Variants in LDB2 observed in about 807,000 individuals in gnomAD.
The protein encoded by LDB2 is LIM domain-binding protein 2.
In LDB2, 12 loss-of-function variants were observed where a neutral mutation model predicts 44.3. The ratio of observed to expected loss-of-function variants is 0.27; its 90% confidence interval spans 0.17 to 0.44. The LOEUF (loss-of-function observed/expected upper bound fraction) is 0.44. Among genes scored for constraint, LDB2 ranks in the 20% least tolerant of loss-of-function variants. LDB2 has a pLI of 1.00. For synonymous variants in LDB2, 164 were observed against 174.8 expected, an observed-to-expected ratio of 0.94 and a Z score of 0.49; for missense variants, 344 against 473.5, an observed-to-expected ratio of 0.73 and a Z score of 2.54.
intron 2 of LDB2, among the ~76,000 whole-genome samples, chr4:16,672,075 C>T (rs913699249): frequency 3.9e-5 from 6 of 152,166 alleles, no homozygotes; most frequent in Non-Finnish European, 7.3e-5. Context: ...GCAACCATGA[C>T]CCTTTACTGA....
intron 1 of LDB2, among the ~76,000 whole-genome samples, chr4:16,818,366 G>A (rs1156461411): frequency 1.3e-5 from 2 of 152,156 alleles, no homozygotes; most frequent in African/African-American, 2.4e-5. Flanking sequence ...CAGGCAGAAC[G>A]CAAAGAGAGG....
intron 2 of LDB2, among the ~76,000 whole-genome samples, chr4:16,644,956 T>C (rs1019727562): frequency 6.6e-6 from 1 of 152,190 alleles, no homozygotes; most frequent in African/African-American, 2.4e-5. Flanking sequence ...TTGCTCTTAG[T>C]GGCCCAACTG....
chr4:16,825,516 T>C (rs1006022663), intron 1 of LDB2, among the ~76,000 whole-genome samples: 5 of 152,230 alleles, frequency 3.3e-5, no homozygotes, highest in Non-Finnish European at 7.4e-5. Flanking sequence ...AGAAAAGTGC[T>C]CCTTTTCTTC....
intron 1 of LDB2, among the ~76,000 whole-genome samples, chr4:16,862,346 A>T (rs1377060219): frequency 1.3e-5 from 2 of 152,048 alleles, no homozygotes; most frequent in Non-Finnish European, 2.9e-5. Context: ...TGAATCAAAG[A>T]GCCCTGGCCG....
At chr4:16,858,302 G>C (rs1179873610) in intron 1 of LDB2, among the ~76,000 whole-genome samples, 2 of 152,180 alleles carry the variant, frequency 1.3e-5, no homozygotes, top group Non-Finnish European at 2.9e-5. Context: ...GGCAGGCATG[G>C]TGAAAGCATA....
At chr4:16,539,201 A>G (rs13105077) in intron 5 of LDB2, among the ~76,000 whole-genome samples, 12,364 of 152,230 alleles carry the variant, frequency 0.081, 547 homozygotes, top group South Asian at 0.17. Flanking sequence ...TGGGAGACAC[A>G]TAGGTACTTT....
chr4:16,559,027 C>A (rs199525911), intron 5 of LDB2, among the ~76,000 whole-genome samples: 6,088 of 152,214 alleles, frequency 0.04, 177 homozygotes, highest in East Asian at 0.18. Flanking sequence ...GAGATTTTGT[C>A]ACCACCAGGC....
intron 1 of LDB2, among the ~76,000 whole-genome samples, chr4:16,829,553 C>A (rs1334978534): frequency 2.0e-5 from 3 of 151,936 alleles, no homozygotes; most frequent in African/African-American, 7.3e-5. Context: ...AGCATGATTC[C>A]CCTGGTTAAA....
At chr4:16,512,963 T>C (rs1347701118) in intron 5 of LDB2, among the ~76,000 whole-genome samples, 2 of 152,230 alleles carry the variant, frequency 1.3e-5, no homozygotes, top group South Asian at 2.1e-4. Flanking sequence ...ACTGTACTTA[T>C]GAGGACAGAG....
chr4:16,717,972 A>G (rs962331631), intron 2 of LDB2, among the ~76,000 whole-genome samples: 1 of 152,172 alleles, frequency 6.6e-6, no homozygotes, highest in Non-Finnish European at 1.5e-5. Context: ...AATAGCAAAT[A>G]ATGGAAATAC....
intron 2 of LDB2, among the ~76,000 whole-genome samples, chr4:16,676,300 A>G (rs1746315115): frequency 1.3e-5 from 2 of 152,224 alleles, no homozygotes; most frequent in South Asian, 4.1e-4. Flanking sequence ...GAAGATGTTG[A>G]TGGAAAAAGA....
intron 2 of LDB2, among the ~76,000 whole-genome samples, chr4:16,614,400 A>G (rs984499605): frequency 2.0e-5 from 3 of 152,314 alleles, no homozygotes; most frequent in Non-Finnish European, 4.4e-5. Context: ...AATTGCAACA[A>G]AAGCCAAGAT....
intron 2 of LDB2, among the ~76,000 whole-genome samples, chr4:16,742,264 G>A (rs1398097698): frequency 1.3e-5 from 2 of 151,944 alleles, no homozygotes; most frequent in Non-Finnish European, 2.9e-5. Flanking sequence ...TAGAGACGGG[G>A]CTTCACCATG....
intron 2 of LDB2, among the ~76,000 whole-genome samples, chr4:16,734,629 C>A (rs1406477378): frequency 6.6e-6 from 1 of 152,004 alleles, no homozygotes; most frequent in East Asian, 1.9e-4. Context: ...GCCCCCTGGC[C>A]GAGGCCCTGT....
At chr4:16,682,425 C>T (rs1171050512) in intron 2 of LDB2, among the ~76,000 whole-genome samples, 2 of 152,306 alleles carry the variant, frequency 1.3e-5, no homozygotes, top group Non-Finnish European at 2.9e-5. Context: ...GCTCTGCCTC[C>T]TCACAGCCCA....
At chr4:16,614,580 C>CAAAAAAAAAAAAAAAAAAAA (rs1164613202) in intron 2 of LDB2, among the ~76,000 whole-genome samples, 1 of 53,826 alleles carries the variant, frequency 1.9e-5, no homozygotes, top group Non-Finnish European at 3.8e-5. Context: ...CAAGAAAAAA[C>CAAAAAAAAAAAAAAAAAAAA]AAAAAAAAAA....
chr4:16,645,382 A>C (rs1449005921), intron 2 of LDB2, among the ~76,000 whole-genome samples: 1 of 150,446 alleles, frequency 6.6e-6, no homozygotes, highest in African/African-American at 2.5e-5. Context: ...TAAAAATGCA[A>C]AAAAATTAGC....
At chr4:16,897,913 T>TATATATATATATAC (rs1725623463) in intron 1 of LDB2, among the ~76,000 whole-genome samples, 1 of 15,686 alleles carries the variant, frequency 6.4e-5, no homozygotes, top group Non-Finnish European at 9.7e-5. Flanking sequence ...TATATATATA[T>TATATATATATATAC]ATATATATAT....
At chr4:16,528,304 G>C (rs951304414) in intron 5 of LDB2, among the ~76,000 whole-genome samples, 3 of 152,068 alleles carry the variant, frequency 2.0e-5, no homozygotes, top group African/African-American at 7.2e-5. Context: ...CAAATCACCA[G>C]TAAAAATTTT....
Sources: allele counts gnomAD v4.1 joint callset (sites outside exome capture counted in the v4.1 genomes callset), GRCh38; gene constraint gnomAD v4.1.1; transcripts MANE v1.5; gene names NCBI Gene and HGNC (gene_info 2026-07-23, HGNC 2026-07-21).